TMEM131L: variants seen among roughly 807,000 people sequenced by gnomAD.
TMEM131L encodes transmembrane 131 like.
TMEM131L carries 54 observed loss-of-function variants against 192.2 expected under a neutral mutation model. That is an observed-to-expected ratio of 0.28 (90% confidence interval 0.23 to 0.35). The LOEUF (loss-of-function observed/expected upper bound fraction) is 0.35. Among genes scored for constraint, TMEM131L ranks in the 10% least tolerant of loss-of-function variants. The probability of loss-of-function intolerance (pLI) is 1.00; values close to 1 mark genes in which losing one functional copy is unlikely to be tolerated. For synonymous variants in TMEM131L, 701 were observed against 704.9 expected (o/e 0.99, Z 0.09); for missense variants, 1,888 against 1,972.9 (o/e 0.96, Z 0.82).
intron 3 of TMEM131L, among the ~76,000 whole-genome samples, chr4:153,522,571 A>G (rs1735195829): frequency 6.6e-6 from 1 of 152,118 alleles, no homozygotes; most frequent in African/African-American, 2.4e-5. Context: ...TTGGTGCCCT[A>G]CCGAGCTCTC....
intron 3 of TMEM131L, among the ~76,000 whole-genome samples, chr4:153,483,071 A>G (rs1320504803): frequency 6.6e-6 from 1 of 152,226 alleles, no homozygotes; most frequent in Non-Finnish European, 1.5e-5. Flanking sequence ...GGGTTAGTCT[A>G]GAATAAAAAT....
intron 24 of TMEM131L, 84 bp downstream of exon 24, chr4:153,603,536 C>T: frequency 7.0e-7 from 1 of 1,426,042 alleles, no homozygotes; most frequent in Non-Finnish European, 9.5e-7. Flanking sequence ...TTTAAGTAAA[C>T]ATAAATTTTG....
chr4:153,594,728 C>T (rs1442861028), intron 19 of TMEM131L, among the ~76,000 whole-genome samples: 5 of 152,176 alleles, frequency 3.3e-5, no homozygotes. Context: ...CCCATTACCA[C>T]AGACTCTCCT....
At chr4:153,545,711 T>C (rs141565848) in intron 3 of TMEM131L, among the ~76,000 whole-genome samples, 1 of 152,296 alleles carries the variant, frequency 6.6e-6, no homozygotes, top group East Asian at 1.9e-4. Context: ...TCAATGTTTT[T>C]TCAAAATAAG....
At chr4:153,609,927 G>C (rs1424035205) in intron 25 of TMEM131L, among the ~76,000 whole-genome samples, 2 of 152,028 alleles carry the variant, frequency 1.3e-5, no homozygotes, top group East Asian at 1.9e-4. Context: ...CCTTGCTTTT[G>C]GCTGTCTGCT....
chr4:153,577,493 CA>C (rs1220862606), intron 7 of TMEM131L, among the ~76,000 whole-genome samples: 3 of 152,074 alleles, frequency 2.0e-5, no homozygotes, highest in African/African-American at 7.2e-5. Flanking sequence ...GTCTCTGTTG[CA>C]AGTACTCAAC....
chr4:153,612,671 C>T (rs1218633733), intron 26 of TMEM131L, among the ~76,000 whole-genome samples: 2 of 152,118 alleles, frequency 1.3e-5, no homozygotes, highest in East Asian at 3.8e-4. Flanking sequence ...CAGAGTAGAA[C>T]TTGACTAACA....
At chr4:153,575,956 GTTTTGTTCTTTTTTTT>G (rs1296382010) in intron 7 of TMEM131L, among the ~76,000 whole-genome samples, 1 of 150,704 alleles carries the variant, frequency 6.6e-6, no homozygotes, top group Non-Finnish European at 1.5e-5. Flanking sequence ...TATTGCTATT[GTTTTGTTCTTTTTTTT>G]TTTTTGAGAT....
intron 4 of TMEM131L, among the ~76,000 whole-genome samples, chr4:153,553,990 A>G (rs1000032399): frequency 6.6e-6 from 1 of 152,230 alleles, no homozygotes; most frequent in Non-Finnish European, 1.5e-5. Flanking sequence ...CTGGTGGTGC[A>G]GTCACTGGCT....
At chr4:153,527,590 C>T (rs576841291) in intron 3 of TMEM131L, among the ~76,000 whole-genome samples, 3 of 152,100 alleles carry the variant, frequency 2.0e-5, no homozygotes, top group South Asian at 2.1e-4. Flanking sequence ...AGTTTCTTCT[C>T]GTCTTTTTTA....
intron 3 of TMEM131L, among the ~76,000 whole-genome samples, chr4:153,487,329 AT>A (rs1252969019): frequency 6.6e-6 from 1 of 152,112 alleles, no homozygotes. Flanking sequence ...ATCCGTACGT[AT>A]TCTCTTCATA....
At chr4:153,556,108 A>G (rs912677905) in intron 5 of TMEM131L, among the ~76,000 whole-genome samples, 198 bp downstream of exon 5, 1 of 93,328 alleles carries the variant, frequency 1.1e-5, no homozygotes, top group Non-Finnish European at 1.9e-5. Context: ...CTTGATATCT[A>G]CTGGGGCCGG....
At chr4:153,479,715 A>T (rs1253439817) in intron 3 of TMEM131L, among the ~76,000 whole-genome samples, 2 of 152,168 alleles carry the variant, frequency 1.3e-5, no homozygotes, top group Admixed American at 1.3e-4. Context: ...TGTTCTCCTG[A>T]AATAGTTTTA....
At chr4:153,564,157 T>C (rs1490047321) in intron 7 of TMEM131L, among the ~76,000 whole-genome samples, 1 of 151,768 alleles carries the variant, frequency 6.6e-6, no homozygotes, top group Non-Finnish European at 1.5e-5. Flanking sequence ...TGTGTGGTGA[T>C]GCATGCCTGT....
chr4:153,546,085 C>T (rs1279054153), intron 3 of TMEM131L, among the ~76,000 whole-genome samples: 1 of 151,974 alleles, frequency 6.6e-6, no homozygotes, highest in Non-Finnish European at 1.5e-5. Context: ...GAGATGAGGT[C>T]TCACCGTATT....
intron 3 of TMEM131L, among the ~76,000 whole-genome samples, chr4:153,489,138 C>T (rs918108088): frequency 6.6e-6 from 1 of 152,162 alleles, no homozygotes; most frequent in African/African-American, 2.4e-5. Context: ...ACATAGTCCC[C>T]AGCGAGACTC....
intron 26 of TMEM131L, among the ~76,000 whole-genome samples, chr4:153,612,692 A>G (rs980005320): frequency 6.6e-6 from 1 of 152,132 alleles, no homozygotes; most frequent in African/African-American, 2.4e-5. Flanking sequence ...TATTCCTTCT[A>G]TCTAGTTATT....
chr4:153,503,046 TAGA>T (rs952085756), intron 3 of TMEM131L, among the ~76,000 whole-genome samples: 1 of 152,224 alleles, frequency 6.6e-6, no homozygotes, highest in African/African-American at 2.4e-5. Flanking sequence ...TATTTTTAGT[TAGA>T]AGAACTCAGA....
At chr4:153,468,953 T>A (rs559411719) in intron 2 of TMEM131L, among the ~76,000 whole-genome samples, 18 of 152,306 alleles carry the variant, frequency 1.2e-4, no homozygotes, top group African/African-American at 4.3e-4. Context: ...GGTGATTGAG[T>A]CTAGTAGTAT....
Sources: allele counts gnomAD v4.1 joint callset (sites outside exome capture counted in the v4.1 genomes callset), GRCh38; gene constraint gnomAD v4.1.1; transcripts MANE v1.5; gene names NCBI Gene and HGNC (gene_info 2026-07-23, HGNC 2026-07-21).